MYH15: variants seen among roughly 807,000 people sequenced by gnomAD.
MYH15 encodes myosin heavy chain 15.
MYH15 carries 227 observed loss-of-function variants against 240.5 expected under a neutral mutation model. The ratio of observed to expected loss-of-function variants is 0.94; its 90% CI spans 0.85 to 1.05. The LOEUF (loss-of-function observed/expected upper bound fraction) is 1.05. Ranked by LOEUF, MYH15 falls within the 50% of genes least tolerant of loss-of-function variation. The pLI, the probability that MYH15 is intolerant of heterozygous loss-of-function variation, is 0.00. For synonymous variants in MYH15, 785 were observed against 796.7 expected, an observed-to-expected ratio of 0.99 and a Z score of 0.25; for missense variants, 2,217 against 2,247.5, an observed-to-expected ratio of 0.99 and a Z score of 0.27.
At chr3:108,398,495 G>A (rs915860332) in intron 35 of MYH15, 142 bp downstream of exon 35, 2 of 731,910 alleles carry the variant, frequency 2.7e-6, no homozygotes, top group African/African-American at 2.2e-5. Flanking sequence ...GGGAACAAAT[G>A]AAGAGTATGA....
chr3:108,519,723 G>T (rs1177648078), intron 1 of MYH15, among the ~76,000 whole-genome samples: 1 of 152,154 alleles, frequency 6.6e-6, no homozygotes, highest in Non-Finnish European at 1.5e-5. Flanking sequence ...ATATTCCTTA[G>T]GGTCAGTGAC....
chr3:108,477,337 T>C (rs1266936997), intron 11 of MYH15, among the ~76,000 whole-genome samples: 1 of 152,172 alleles, frequency 6.6e-6, no homozygotes, highest in African/African-American at 2.4e-5. Flanking sequence ...TCAAAATAAC[T>C]ACTAATAGTT....
At chr3:108,486,201 C>T (rs1213594036) in intron 10 of MYH15, among the ~76,000 whole-genome samples, 1 of 152,180 alleles carries the variant, frequency 6.6e-6, no homozygotes, top group East Asian at 1.9e-4. Flanking sequence ...AGATGTTTGC[C>T]ATTGAGTTGA....
intron 26 of MYH15, among the ~76,000 whole-genome samples, chr3:108,429,941 G>T (rs1000931552): frequency 3.3e-5 from 5 of 152,078 alleles, no homozygotes; most frequent in African/African-American, 1.2e-4. Flanking sequence ...GAAATGTTTT[G>T]TCAGAAATAA....
At chr3:108,534,689 G>T in the MYH15 span, among the ~76,000 whole-genome samples, 1 of 148,352 alleles carries the variant, frequency 6.7e-6, no homozygotes, top group Non-Finnish European at 1.5e-5. Context: ...AACATAGTGG[G>T]ATCACATCTC....
At chr3:108,457,889 C>T (rs1293178827) in intron 18 of MYH15, among the ~76,000 whole-genome samples, 1 of 152,006 alleles carries the variant, frequency 6.6e-6, no homozygotes, top group Non-Finnish European at 1.5e-5. Context: ...TAAAAATTAG[C>T]CAGGCGTGGT....
chr3:108,497,354 T>C (rs2083399400), intron 6 of MYH15, among the ~76,000 whole-genome samples: 2 of 152,000 alleles, frequency 1.3e-5, no homozygotes, highest in Admixed American at 1.3e-4. Context: ...AAAATAATCA[T>C]TCCAGACATA....
At chr3:108,502,258 C>T (rs2107239659) in intron 2 of MYH15, among the ~76,000 whole-genome samples, 1 of 152,204 alleles carries the variant, frequency 6.6e-6, no homozygotes, top group South Asian at 2.1e-4. Context: ...AGGAGGCAGA[C>T]CTTATCCTTC....
chr3:108,469,213 CT>C (rs1255664202), intron 14 of MYH15, among the ~76,000 whole-genome samples: 1 of 152,186 alleles, frequency 6.6e-6, no homozygotes, highest in African/African-American at 2.4e-5. Flanking sequence ...GCCCTAGCTC[CT>C]TCCTAGCAGG....
In MYH15 at chr3:108,383,640, A is replaced by G; in HGVS notation, c.5721T>C (p.Ser1907=). Residue 1907 remains serine, a synonymous_variant, in exon 40 of 41, where the codon TCT becomes TCC. Transcript: ENST00000693548. ...EVKERAEVAE[S]QVNKLKIKAR... Reference sequence around the variant, plus strand: ...CTTTAATTTTGAGTTTATTGACTTGAGATTCTGCCACCTCTGCCCTTTCCT... The same window carrying G: ...CTTTAATTTTGAGTTTATTGACTTGGGATTCTGCCACCTCTGCCCTTTCCT... The G allele has an allele frequency of 6.2e-7, 1 of 1,612,992 alleles. No homozygotes were observed.
At chr3:108,482,461 T>C (rs1331305330) in intron 11 of MYH15, among the ~76,000 whole-genome samples, 1 of 152,214 alleles carries the variant, frequency 6.6e-6, no homozygotes, top group Non-Finnish European at 1.5e-5. Flanking sequence ...CTCATCTGTG[T>C]TTTTTGATTT....
At chr3:108,444,936 C>T (rs1156904437) in intron 21 of MYH15, 41 bp from the exon 22 acceptor site, 1 of 1,548,346 alleles carries the variant, frequency 6.5e-7, no homozygotes, top group Admixed American at 2.2e-5. Flanking sequence ...TTAGCCCTGA[C>T]TATAGGAGAA....
At chr3:108,457,116 C>A (rs990066415) in intron 18 of MYH15, among the ~76,000 whole-genome samples, 1 of 152,104 alleles carries the variant, frequency 6.6e-6, no homozygotes, top group African/African-American at 2.4e-5. Flanking sequence ...ATGGAACAAG[C>A]CCCTTAATTC....
chr3:108,547,534 T>TA, the MYH15 span, among the ~76,000 whole-genome samples: 38,484 of 151,074 alleles, frequency 0.25, 5,163 homozygotes, highest in East Asian at 0.49. Flanking sequence ...TTCTTGTAGT[T>TA]AAAAAAAAAT....
intron 8 of MYH15, 124 bp downstream of exon 8, chr3:108,492,990 A>G: frequency 1.4e-6 from 1 of 701,208 alleles, no homozygotes; most frequent in Non-Finnish European, 2.4e-6. Context: ...AAAAAGAACG[A>G]GAGAGAGAGA....
intron 32 of MYH15, among the ~76,000 whole-genome samples, chr3:108,405,989 C>G (rs906845987): frequency 6.6e-6 from 1 of 152,180 alleles, no homozygotes; most frequent in African/African-American, 2.4e-5. Flanking sequence ...ATGTAACACT[C>G]AGTGTGAGCC....
chr3:108,470,620 T>A, intron 13 of MYH15, 78 bp downstream of exon 13: 1 of 1,497,956 alleles, frequency 6.7e-7, no homozygotes, highest in Non-Finnish European at 9.1e-7. Flanking sequence ...GCTTTGACCA[T>A]ATTTTCCCAT....
At position 108,399,143 on chromosome 3, in the gene MYH15, G is replaced by A; in HGVS notation, c.4861C>T (p.Leu1621Phe). 1 of 1,614,238 alleles carries A rather than the reference G, an allele frequency of 6.2e-7. No individual in the cohort carries two copies. The highest frequency in any genetic ancestry group is 1.3e-5 in the African/African-American group (1 of 75,062). ...GACACCTGCCGGTTGGCACAGCTAA[G>A]CTGGAGTTCCATCTCATTGAGGTCC... ...EEDLNEMELQ[L>F]SCANRQVSEA... The change falls in exon 34 of 41, where the codon CTT becomes TTT. Residue 1621 changes from leucine to phenylalanine, a missense_variant. Transcript: ENST00000693548.
chr3:108,410,248 G>T (rs764557591), intron 31 of MYH15, among the ~76,000 whole-genome samples: 1 of 152,118 alleles, frequency 6.6e-6, no homozygotes, highest in Non-Finnish European at 1.5e-5. Flanking sequence ...TGAAAAAAAG[G>T]TGTAGAACAA....
Sources: gnomAD v4.1 joint callset for allele counts (sites outside exome capture counted in the v4.1 genomes callset) on GRCh38, gnomAD v4.1.1 for gene constraint, MANE v1.5 for transcripts, NCBI Gene and HGNC (gene_info 2026-07-23, HGNC 2026-07-21) for gene names.